CD82: variants seen among roughly 807,000 people sequenced by gnomAD.
The protein encoded by CD82 is CD82 antigen.
In CD82, 36 loss-of-function variants were observed where a neutral mutation model predicts 37.4. That is an observed-to-expected ratio of 0.96 (90% CI 0.74 to 1.27). CD82 has a LOEUF of 1.27. Ranked by LOEUF, CD82 falls within the 50% of genes most tolerant of loss-of-function variation. The pLI is 0.00. For missense variants in CD82, 340 were observed against 347.0 expected, an observed-to-expected ratio of 0.98 and a Z score of 0.16; for synonymous variants, 158 against 137.4, an observed-to-expected ratio of 1.15 and a Z score of -1.05.
intron 1 of CD82, among the ~76,000 whole-genome samples, chr11:44,568,931 C>T (rs1172047788): frequency 1.3e-5 from 2 of 152,216 alleles, no homozygotes; most frequent in Non-Finnish European, 2.9e-5. Flanking sequence ...TTGACCTTGG[C>T]CTTGGCCTTC....
At chr11:44,574,336 T>A (rs146156537) in intron 1 of CD82, among the ~76,000 whole-genome samples, 34 of 152,254 alleles carry the variant, frequency 2.2e-4, no homozygotes, top group African/African-American at 8.2e-4. Flanking sequence ...AGCTCATGAT[T>A]TTTTATTTCT....
At chr11:44,593,100 A>C (rs979785143) in intron 2 of CD82, among the ~76,000 whole-genome samples, 1 of 152,204 alleles carries the variant, frequency 6.6e-6, no homozygotes, top group Non-Finnish European at 1.5e-5. Flanking sequence ...CACCTTCCCC[A>C]TCACCGGAGG....
chr11:44,585,193 G>A, intron 1 of CD82: 1 of 456,226 alleles, frequency 2.2e-6, no homozygotes, highest in Non-Finnish European at 4.4e-6. Context: ...AGCCTCTCCA[G>A]GATGGGCACA....
rs1029143880 is a variant in CD82 at position 44,587,613 on chromosome 11, G to T, written c.-21+57G>T. The T allele has an allele frequency of 8.8e-6, 4 of 455,620 alleles. No homozygotes were observed. The Admixed American group carries it at 9.4e-5, about 11-fold the overall frequency. The allele number at this position is 455,620 out of a possible 1,614,324, so 28.2% of individuals were successfully genotyped here. A position where few individuals can be genotyped will look rare whatever the true frequency, so the allele number is the denominator to read the frequency against. On this transcript the variant is annotated intron_variant, in intron 2 of 9. Coordinates refer to ENST00000227155, the MANE Select transcript of CD82 (RefSeq NM_002231.4). ...GGAGGGGACACACTTGGGCTGTGAG[G>T]CGAGGAAGGTGGAGACCGAGCATGG...
Position 44,587,286 on chromosome 11 carries a change from C to T in CD82, c.-102-189C>T, listed in dbSNP as rs79535737. The T allele has an allele frequency of 4.1e-3, 1,576 of 380,884 alleles. 23 individuals are homozygous for T. The highest frequency in any genetic ancestry group is 0.031 in the African/African-American group (1,475 of 47,882). The allele number at this position is 380,884 out of a possible 1,614,324, so 23.6% of individuals were successfully genotyped here. A position where few individuals can be genotyped will look rare whatever the true frequency, so the allele number is the denominator to read the frequency against. On this transcript the variant is annotated intron_variant, in intron 1 of 9. Transcript: ENST00000227155. ...CTCAGGTAGGTATAAGGACCTGGGG[C>T]CTGATATACCAGGACAACAGGAAAG... is the stretch of plus-strand genomic sequence containing the variant.
At chr11:44,617,815 A>T (rs540540134) in intron 7 of CD82, among the ~76,000 whole-genome samples, 1 of 152,296 alleles carries the variant, frequency 6.6e-6, no homozygotes, top group East Asian at 1.9e-4. Flanking sequence ...AACTGAGGCT[A>T]GTTCCTTGAT....
intron 1 of CD82, among the ~76,000 whole-genome samples, chr11:44,584,653 C>T (rs1301911290): frequency 6.6e-6 from 1 of 151,860 alleles, no homozygotes; most frequent in Non-Finnish European, 1.5e-5. Flanking sequence ...TCTCCTGTCA[C>T]CCAGAGTAGC....
At chr11:44,612,926 C>G (rs1853506805) in intron 6 of CD82, among the ~76,000 whole-genome samples, 1 of 152,072 alleles carries the variant, frequency 6.6e-6, no homozygotes, top group African/African-American at 2.4e-5. Flanking sequence ...CGTGAGCCAC[C>G]ATGGCCAGCC....
In CD82 at chr11:44,595,908, CAAAAAAAAA is replaced by C. The variant is rs71449886; in HGVS notation, c.63+1198_63+1206del. On this transcript the variant is annotated intron_variant, in intron 3 of 9. Coordinates refer to ENST00000227155, the MANE Select transcript of CD82 (RefSeq NM_002231.4). ...AACATAGCAAGACCCTGTTTCTCTACAAAAAAAAAAAAAAAAAAAAAAAGAATTTTAAAA... is the reference window on the plus strand; with the variant it reads ...AACATAGCAAGACCCTGTTTCTCTACAAAAAAAAAAAAAAGAATTTTAAAA... Among the ~76,000 whole-genome samples the C allele has an allele frequency of 1.1e-4, 8 of 69,668 alleles. No homozygotes were observed. In the South Asian group the frequency reaches 3.2e-3, roughly 28 times the overall value. The allele number at this position is 69,668 out of a possible 152,430, so 45.7% of individuals were successfully genotyped here. A position where few individuals can be genotyped will look rare whatever the true frequency, so the allele number is the denominator to read the frequency against.
intron 7 of CD82, among the ~76,000 whole-genome samples, chr11:44,615,951 G>A (rs1853558200): frequency 6.6e-6 from 1 of 152,188 alleles, no homozygotes; most frequent in South Asian, 2.1e-4. Context: ...CGGACTGACC[G>A]ACTGACCAAC....
intron 3 of CD82, among the ~76,000 whole-genome samples, chr11:44,595,186 G>T (rs1375297551): frequency 6.6e-6 from 1 of 152,224 alleles, no homozygotes. Context: ...ATCTCCCTGA[G>T]CTCTCATAGG....
rs753621987 is a variant in CD82 at position 44,596,956 on chromosome 11, G to A, written c.63+2231G>A. 3.5e-5 allele frequency: 16 copies of A among 456,120 alleles called. No homozygotes were observed. In the East Asian group the frequency reaches 4.2e-4, roughly 12 times the overall value. 28.3% of individuals were successfully genotyped at this position (456,120 alleles called of 1,614,324 possible). A position where few individuals can be genotyped will look rare whatever the true frequency, so the allele number is the denominator to read the frequency against. On this transcript the variant is annotated intron_variant, in intron 3 of 9. Coordinates refer to ENST00000227155, the MANE Select transcript of CD82 (RefSeq NM_002231.4). ...CTTCGGAAAGCAGATGAGGCTCTTG[G>A]CCTGGTCATGGAGGTCAGCAAAGGC...
intron 3 of CD82, among the ~76,000 whole-genome samples, chr11:44,596,314 A>G (rs1167281272): frequency 1.3e-5 from 2 of 152,258 alleles, no homozygotes; most frequent in East Asian, 1.9e-4. Context: ...ATAAAGGCCA[A>G]TGGGCCAGGA....
chr11:44,572,905 CAG>C (rs111772830), intron 1 of CD82, among the ~76,000 whole-genome samples: 41,232 of 152,058 alleles, frequency 0.27, 5,743 homozygotes, highest in African/African-American at 0.32. Flanking sequence ...CTGGACCTGG[CAG>C]AGTTACCCGT....
At chr11:44,607,176 C>T (rs2134677851) in intron 6 of CD82, among the ~76,000 whole-genome samples, 1 of 152,366 alleles carries the variant, frequency 6.6e-6, no homozygotes, top group South Asian at 2.1e-4. Flanking sequence ...TGAGAAAACA[C>T]TATACCAACA....
In CD82 at chr11:44,597,216, A is replaced by G. The variant is rs1184152482; in HGVS notation, c.63+2491A>G. On this transcript the variant is annotated intron_variant, in intron 3 of 9. Coordinates refer to ENST00000227155, the MANE Select transcript of CD82 (RefSeq NM_002231.4). The surrounding 1 kb of genome is among the most constrained non-coding windows in gnomAD (Gnocchi z 4.1). ...ATGTCTTTGCCTGTACTCCCTCTGG[A>G]CTCCAGACTCCCCAGCGCATTGCCA... is the stretch of plus-strand genomic sequence containing the variant. Among the ~76,000 whole-genome samples the G allele has an allele frequency of 6.6e-6, 1 of 152,022 alleles. No individual in the cohort carries two copies. Among genetic ancestry groups the G allele is most frequent in the Non-Finnish European group, 1.5e-5 (1 of 67,988 alleles).
chr11:44,612,134 C>T (rs954845415), intron 6 of CD82, among the ~76,000 whole-genome samples: 1 of 152,236 alleles, frequency 6.6e-6, no homozygotes, highest in African/African-American at 2.4e-5. Context: ...CAGACAGCCC[C>T]AGCTATGTGA....
chr11:44,614,357 C>A (rs1157224222), intron 6 of CD82, among the ~76,000 whole-genome samples: 2 of 152,266 alleles, frequency 1.3e-5, no homozygotes, highest in Non-Finnish European at 2.9e-5. Flanking sequence ...CTCCCTGAAG[C>A]TGCCCTGTGG....
intron 1 of CD82, among the ~76,000 whole-genome samples, chr11:44,584,663 C>T (rs1853027468): frequency 6.6e-6 from 1 of 151,240 alleles, no homozygotes; most frequent in Admixed American, 6.6e-5. Flanking sequence ...CCCAGAGTAG[C>T]AGCTATTTTT....
Sources: gnomAD v4.1 joint callset for allele counts (sites outside exome capture counted in the v4.1 genomes callset) on GRCh38, gnomAD v4.1.1 for gene constraint, Gnocchi (gnomAD v3.1) non-coding constraint, MANE v1.5 for transcripts, NCBI Gene and HGNC (gene_info 2026-07-23, HGNC 2026-07-21) for gene names.